Variants in SCD5 observed in about 807,000 individuals in gnomAD.
The protein encoded by SCD5 is stearoyl-CoA desaturase 5.
In SCD5, 20 loss-of-function variants were observed where a neutral mutation model predicts 30.4. The ratio of observed to expected loss-of-function variants is 0.66; its 90% CI spans 0.46 to 0.96. The LOEUF is 0.96. Among genes scored for constraint, SCD5 ranks in the 40% least tolerant of loss-of-function variants. The pLI, the probability that SCD5 is intolerant of heterozygous loss-of-function variation, is 0.00. For missense variants in SCD5, 381 were observed against 443.3 expected (o/e 0.86, Z 1.26); for synonymous variants, 173 against 176.4 (o/e 0.98, Z 0.16).
chr4:82,771,479 T>C (rs1483893568), intron 1 of SCD5, among the ~76,000 whole-genome samples: 8 of 152,234 alleles, frequency 5.3e-5, no homozygotes, highest in Non-Finnish European at 8.8e-5. Context: ...TGTAGGACGC[T>C]ATGCCTATGT....
chr4:82,636,079 C>T (rs929838397), intron 4 of SCD5, among the ~76,000 whole-genome samples: 1 of 152,118 alleles, frequency 6.6e-6, no homozygotes, highest in Non-Finnish European at 1.5e-5. Flanking sequence ...CTGTACTAAG[C>T]AGTTTACATA....
At position 82,781,082 on chromosome 4, in the gene SCD5, C is replaced by A. The variant is rs1050741710; in HGVS notation, c.232+17224G>T. Among the ~76,000 whole-genome samples the A allele has an allele frequency of 6.3e-4, 96 of 152,192 alleles. 5 individuals carry two copies. The highest frequency in any genetic ancestry group is 4.4e-5 in the Non-Finnish European group (3 of 68,024). On this transcript the variant is annotated intron_variant, in intron 1 of 4. Coordinates refer to ENST00000319540, the MANE Select transcript of SCD5 (RefSeq NM_001037582.3). ...CTGGAGAAGCCTCAAAATAAACAAG[C>A]ACCAGCTAGGGCTTGAGAATCATTC...
intron 3 of SCD5, among the ~76,000 whole-genome samples, chr4:82,649,111 G>T (rs967107146): frequency 2.0e-5 from 3 of 151,652 alleles, no homozygotes; most frequent in Non-Finnish European, 4.4e-5. Flanking sequence ...ATGTGTATTT[G>T]AACTTAATGA....
At chr4:82,743,470 T>C in intron 1 of SCD5, among the ~76,000 whole-genome samples, 1 of 152,144 alleles carries the variant, frequency 6.6e-6, no homozygotes, top group East Asian at 1.9e-4. Flanking sequence ...GAACTGTGAT[T>C]ATGCCACTGC....
In SCD5 at chr4:82,650,999, T is replaced by A. The variant is rs1727741599; in HGVS notation, c.570-14176A>T. On this transcript the variant is annotated intron_variant, in intron 3 of 4. Transcript: ENST00000319540. ...CAACAAAAATATTTAGTGTGAAGAA[T>A]GACACTGTGTGGTATCTTTGCAGAT... 2.0e-5 allele frequency among the ~76,000 whole-genome samples: 3 copies of A among 152,218 alleles called. No individual in the cohort carries two copies. The South Asian group carries it at 6.2e-4, about 32-fold the overall frequency.
chr4:82,791,483 GC>G (rs1722097294), intron 1 of SCD5, among the ~76,000 whole-genome samples: 1 of 152,016 alleles, frequency 6.6e-6, no homozygotes, highest in Non-Finnish European at 1.5e-5. Context: ...TCTTTATCCA[GC>G]GGGCTGGCTA....
chr4:82,748,064 T>A (rs1310918744), intron 1 of SCD5, among the ~76,000 whole-genome samples: 1 of 152,218 alleles, frequency 6.6e-6, no homozygotes, highest in Non-Finnish European at 1.5e-5. Context: ...TTCATGTTGC[T>A]GTATGAAGCA....
chr4:82,738,806 T>G (rs1471472245), intron 1 of SCD5, among the ~76,000 whole-genome samples: 4 of 152,222 alleles, frequency 2.6e-5, no homozygotes, highest in African/African-American at 9.6e-5. Context: ...TGGCACTTGT[T>G]GAGTACTTAG....
At chr4:82,673,590 T>C (rs774189284) in intron 3 of SCD5, among the ~76,000 whole-genome samples, 2 of 152,212 alleles carry the variant, frequency 1.3e-5, no homozygotes, top group Non-Finnish European at 2.9e-5. Flanking sequence ...CTCAACTGGA[T>C]CTATATTCAA....
At chr4:82,636,448 C>T in intron 4 of SCD5, 143 bp downstream of exon 4, 1 of 596,130 alleles carries the variant, frequency 1.7e-6, no homozygotes, top group Non-Finnish European at 2.7e-6. Context: ...GAGACTCTAT[C>T]TCGGAAAAAA....
chr4:82,721,128 TC>T (rs1161805940), intron 1 of SCD5, among the ~76,000 whole-genome samples: 1 of 152,098 alleles, frequency 6.6e-6, no homozygotes, highest in Non-Finnish European at 1.5e-5. Context: ...GGCACTGCAT[TC>T]CGGTCTAGGT....
Position 82,773,041 on chromosome 4 carries a change from T to C in SCD5, c.232+25265A>G, listed in dbSNP as rs1053443766. ...TCTCATAGAACTGCAATGCATGGTG[T>C]GGGGAGCACTGATGTTTTTCATTCC... On this transcript the variant is annotated intron_variant, in intron 1 of 4. Transcript: ENST00000319540. Among the ~76,000 whole-genome samples the C allele has an allele frequency of 4.7e-4, 72 of 152,234 alleles. 1 individual carries two copies. Among genetic ancestry groups the C allele is most frequent in the African/African-American group, 1.7e-3 (71 of 41,532 alleles).
At chr4:82,780,665 A>C (rs957507680) in intron 1 of SCD5, among the ~76,000 whole-genome samples, 1 of 152,280 alleles carries the variant, frequency 6.6e-6, no homozygotes, top group African/African-American at 2.4e-5. Context: ...CTGTCTCATA[A>C]GCCCAATTAA....
chr4:82,660,778 T>C (rs147508295), intron 3 of SCD5: 27,368 of 1,585,310 alleles, frequency 0.017, 290 homozygotes, highest in Non-Finnish European at 0.02. Flanking sequence ...GCTCTGTCTA[T>C]GCTTCACACC....
At position 82,631,143 on chromosome 4, in the gene SCD5, T is replaced by G; in HGVS notation, c.*184A>C. 3 of 500,534 alleles carry G rather than the reference T, an allele frequency of 6.0e-6. No individual in the cohort carries two copies. Among genetic ancestry groups the G allele is most frequent in the Non-Finnish European group, 1.0e-5 (3 of 299,476 alleles). The allele number at this position is 500,534 out of a possible 1,614,324, so 31.0% of individuals were successfully genotyped here. ...AAACAAACAAAAAAAAAAACGAAAGTTTTTTCATTGATAATTGTATTTCAA... is the reference window on the plus strand; with the variant it reads ...AAACAAACAAAAAAAAAAACGAAAGGTTTTTCATTGATAATTGTATTTCAA... On this transcript the variant is annotated 3_prime_UTR_variant, in exon 5 of 5. Coordinates refer to ENST00000319540, the MANE Select transcript of SCD5 (RefSeq NM_001037582.3).
intron 1 of SCD5, among the ~76,000 whole-genome samples, chr4:82,762,522 C>T (rs1721396914): frequency 6.6e-6 from 1 of 152,162 alleles, no homozygotes; most frequent in East Asian, 1.9e-4. Flanking sequence ...GGATTACAGG[C>T]GTGAGCCATT....
At position 82,639,670 on chromosome 4, in the gene SCD5, A is replaced by G. The variant is rs1355350515; in HGVS notation, c.570-2847T>C. 2.6e-5 allele frequency among the ~76,000 whole-genome samples: 4 copies of G among 152,298 alleles called. No homozygotes were observed. In the East Asian group the frequency reaches 7.7e-4, roughly 29 times the overall value. The stretch of plus-strand genomic sequence containing the variant: ...GAGGACCTGGGAGCTGGTGGTGAGC[A>G]TGTGAGGAGGAAAGGACTATGGAGG... On this transcript the variant is annotated intron_variant, in intron 3 of 4. Transcript: ENST00000319540.
At position 82,720,441 on chromosome 4, in the gene SCD5, T is replaced by TACAAAAAAAAAAAAAAAAAAAAAAAAAAA. The variant is rs778480466; in HGVS notation, c.233-15029_233-15028insTTTTTTTTTTTTTTTTTTTTTTTTTTTGT. On this transcript the variant is annotated intron_variant, in intron 1 of 4. Coordinates refer to ENST00000319540, the MANE Select transcript of SCD5 (RefSeq NM_001037582.3). ...GATGCTGTCTCAAAAAAGGCAAAAA[T>TACAAAAAAAAAAAAAAAAAAAAAAAAAAA]AAAAAAAAAAAAAAAAAAAAAAGAC... Among the ~76,000 whole-genome samples the TACAAAAAAAAAAAAAAAAAAAAAAAAAAA allele has an allele frequency of 3.1e-4, 24 of 77,856 alleles. 1 individual carries two copies. The highest frequency in any genetic ancestry group is 8.1e-4 in the East Asian group (2 of 2,480). The allele number at this position is 77,856 out of a possible 152,430, so 51.1% of individuals were successfully genotyped here.
chr4:82,685,981 C>T (rs1230886714), intron 2 of SCD5, among the ~76,000 whole-genome samples: 1 of 151,744 alleles, frequency 6.6e-6, no homozygotes, highest in African/African-American at 2.4e-5. Context: ...CCACACTGAG[C>T]AGTGCAAGTC....
Sources: gnomAD v4.1 joint callset for allele counts (sites outside exome capture counted in the v4.1 genomes callset) on GRCh38, gnomAD v4.1.1 for gene constraint, MANE v1.5 for transcripts, NCBI Gene and HGNC (gene_info 2026-07-23, HGNC 2026-07-21) for gene names.